Variants in COL20A1 observed in about 807,000 individuals in gnomAD.
COL20A1 encodes collagen type XX alpha 1 chain.
COL20A1 carries 164 observed loss-of-function variants against 152.9 expected under a neutral mutation model. The observed-to-expected ratio is 1.07, with a 90% CI of 0.94 to 1.22. The LOEUF is 1.22. Among genes scored for constraint, COL20A1 ranks in the 50% most tolerant of loss-of-function variants. The probability of loss-of-function intolerance (pLI) is 0.00; values close to 1 mark genes in which losing one functional copy is unlikely to be tolerated. For synonymous variants in COL20A1, 864 were observed against 756.0 expected (o/e 1.14, Z -2.34); for missense variants, 1,873 against 1,744.8 (o/e 1.07, Z -1.31).
In COL20A1 at chr20:63,309,475, T is replaced by G. The variant is rs1033823550; in HGVS notation, c.1083T>G (p.Gly361=). ...GTCTCATCTGCCAGAGGCTCCAGGG[T>G]GGGAGCCCGCGGCAGGGCCCAGGTG... is the stretch of plus-strand genomic sequence containing the variant. The part of the protein sequence containing the change: ...LSRLICQRLQ[G]GSPRQGPAAA... Residue 361 remains glycine, a synonymous_variant, in exon 9 of 36, where the codon GGT becomes GGG. Coordinates refer to ENST00000358894, the MANE Select transcript of COL20A1 (RefSeq NM_020882.4). The G allele has an allele frequency of 2.6e-5, 39 of 1,529,180 alleles. No homozygotes were observed. The highest frequency in any genetic ancestry group is 3.2e-5 in the Non-Finnish European group (36 of 1,135,228). The allele number at this position is 1,529,180 out of a possible 1,614,324, so 94.7% of individuals were successfully genotyped here.
intron 3 of COL20A1, among the ~76,000 whole-genome samples, chr20:63,299,167 T>TC (rs1191620151): frequency 1.3e-5 from 2 of 152,230 alleles, no homozygotes; most frequent in African/African-American, 2.4e-5. Flanking sequence ...GTGGCTTGTG[T>TC]CCAGGTTGGC....
chr20:63,301,736 GT>G (rs1260734645), intron 3 of COL20A1, among the ~76,000 whole-genome samples: 1 of 152,062 alleles, frequency 6.6e-6, no homozygotes, highest in Non-Finnish European at 1.5e-5. Flanking sequence ...ACCAGGTAGT[GT>G]TTGCATTAAA....
At chr20:63,325,784 C>T (rs1426856825) in intron 29 of COL20A1, 63 bp downstream of exon 29, 5 of 1,459,544 alleles carry the variant, frequency 3.4e-6, no homozygotes, top group Non-Finnish European at 4.8e-6. Flanking sequence ...GGACGGGGGG[C>T]CTTGGAGATG....
rs759177883 is a variant in COL20A1, at chr20:63,319,517, G to A, written c.2837G>A (p.Arg946His). Residue 946 changes from arginine (R) to histidine (H), a missense_variant, in exon 23 of 36, where the codon CGT (arginine) becomes CAT (histidine). By Grantham distance (29) the Arg-to-His change is conservative. Transcript: ENST00000358894. This position sits in a 1 kb window ranked among gnomAD's most constrained non-coding sequence, Gnocchi z 4.4. Reference sequence around the variant, plus strand: ...AAGAAGTCCCTGACCTACTTCCACCGTGACCCCAGGGCTGCCTTGCAGGAG... The same window carrying A: ...AAGAAGTCCCTGACCTACTTCCACCATGACCCCAGGGCTGCCTTGCAGGAG... Reference protein sequence around the residue: ...AGKKSLTYFHRDPRAALQEAT... With the variant: ...AGKKSLTYFHHDPRAALQEAT... 25 of 1,592,872 alleles carry A rather than the reference G, an allele frequency of 1.6e-5. No homozygotes were observed. Among genetic ancestry groups the A allele is most frequent in the Middle Eastern group, 1.6e-4 (1 of 6,062 alleles).
chr20:63,317,359 G>C (rs1033564726), intron 21 of COL20A1, among the ~76,000 whole-genome samples: 1 of 151,706 alleles, frequency 6.6e-6, no homozygotes, highest in African/African-American at 2.4e-5. Context: ...CCAGCTACTC[G>C]GGAGGCTGAG....
chr20:63,294,188 C>T (rs1485534417), intron 1 of COL20A1, among the ~76,000 whole-genome samples: 2 of 5,656 alleles, frequency 3.5e-4, no homozygotes, highest in Admixed American at 2.4e-3. Context: ...AGGGGGCGTG[C>T]AGGGGACTGG....
chr20:63,315,412 G>T lies in COL20A1; in HGVS notation c.2497G>T (p.Ala833Ser). ...VSATGQTACPALRPDGSLPGF... is the reference protein window; with the variant it reads ...VSATGQTACPSLRPDGSLPGF... ...CTGTCTCCTCTCAGCAGCCTGCCCA[G>T]CCCTCCGCCCTGACGGCTCCCTCCC... The change falls in exon 20 of 36, where the codon GCC becomes TCC. Residue 833 changes from alanine (A) to serine (S), a missense_variant. Coordinates refer to ENST00000358894, the MANE Select transcript of COL20A1 (RefSeq NM_020882.4). The T allele has an allele frequency of 6.3e-7, 1 of 1,577,630 alleles. No individual in the cohort carries two copies.
Position 63,305,529 on chromosome 20 carries a change from G to A in COL20A1, c.306G>A (p.Gly102=). Residue 102 remains glycine, a synonymous_variant, in exon 4 of 36, where the codon GGG becomes GGA. Coordinates refer to ENST00000358894, the MANE Select transcript of COL20A1 (RefSeq NM_020882.4). This position sits in a 1 kb window ranked among gnomAD's most constrained non-coding sequence, Gnocchi z 4.9. The part of the protein sequence containing the change: ...TLQIFELTGS[G]RFLLARREFV... Reference sequence around the variant, plus strand: ...AGATCTTCGAGCTCACTGGCTCTGGGCGCTTCCTGCTAGCTCGGAGGGAGT... The same window carrying A: ...AGATCTTCGAGCTCACTGGCTCTGGACGCTTCCTGCTAGCTCGGAGGGAGT... 6.2e-7 allele frequency: 1 copy of A among 1,605,718 alleles called. No homozygotes were observed. The highest frequency in any genetic ancestry group is 8.5e-7 in the Non-Finnish European group (1 of 1,176,824).
Position 63,308,573 on chromosome 20 carries a change from C to G in COL20A1, c.807C>G (p.Asn269Lys). The change falls in exon 8 of 36, where the codon AAC becomes AAG. Residue 269 changes from asparagine to lysine, a missense_variant. Asn to Lys is a moderately conservative substitution (Grantham distance 94). Coordinates refer to ENST00000358894, the MANE Select transcript of COL20A1 (RefSeq NM_020882.4). ...CCCTGACCCACGTGCTGGGGCAGAA[C>G]CTGCAGCCGGCGGCTGGCCTCCGTC... is the stretch of plus-strand genomic sequence containing the variant. The part of the protein sequence containing the change: ...GLALTHVLGQ[N>K]LQPAAGLRPE... 6.2e-7 allele frequency: 1 copy of G among 1,605,824 alleles called. No individual in the cohort carries two copies. Among genetic ancestry groups the G allele is most frequent in the Non-Finnish European group, 8.5e-7 (1 of 1,176,734 alleles).
chr20:63,316,469 T>A, intron 20 of COL20A1, 84 bp from the exon 21 acceptor site: 1 of 920,554 alleles, frequency 1.1e-6, no homozygotes, highest in Non-Finnish European at 1.5e-6. Flanking sequence ...TGGGTCCCTC[T>A]TGAGTCCCCG....
In COL20A1 at chr20:63,306,900, G is replaced by T. The variant is rs529555607; in HGVS notation, c.497-590G>T. Among the ~76,000 whole-genome samples, 1 of 152,206 alleles carries T rather than the reference G, an allele frequency of 6.6e-6. No homozygotes were observed. The highest frequency in any genetic ancestry group is 1.5e-5 in the Non-Finnish European group (1 of 67,968). Reference sequence around the variant, plus strand: ...CCCTCAGGGTGCTGGGCTCTGCTGGGTCCCCTGGACTTGGGCTCCCCCAGG... The same window carrying T: ...CCCTCAGGGTGCTGGGCTCTGCTGGTTCCCCTGGACTTGGGCTCCCCCAGG... On this transcript the variant is annotated intron_variant, in intron 5 of 35. Transcript: ENST00000358894. The surrounding 1 kb of genome is among the most constrained non-coding windows in gnomAD (Gnocchi z 6.9).
At position 63,313,123 on chromosome 20, in the gene COL20A1, G is replaced by C; in HGVS notation, c.2083G>C (p.Val695Leu). The part of the protein sequence containing the change: ...LGEGKAHEIS[V>L]PGNLGTAVLP... ...GGGGCTCTCCTCTCCCTAGATCTCT[G>C]TCCCAGGGAACCTCGGCACGGCCGT... Residue 695 changes from valine to leucine, a missense_variant, in exon 17 of 36, where the codon GTC becomes CTC. Physicochemically the swap from Val to Leu is conservative, Grantham distance 32. Transcript: ENST00000358894. The surrounding 1 kb of genome is among the most constrained non-coding windows in gnomAD (Gnocchi z 5.9). 6.2e-7 allele frequency: 1 copy of C among 1,608,472 alleles called. No homozygotes were observed. The highest frequency in any genetic ancestry group is 8.5e-7 in the Non-Finnish European group (1 of 1,178,024).
chr20:63,319,037 T>C lies in COL20A1; in HGVS notation c.2664-21T>C, dbSNP rs1337831609. ...GCCCTTGGGTCTGCTCATGTGCCTC[T>C]CCCTCCCCCAACCCCCACAGTGACG... On this transcript the variant is annotated intron_variant, in intron 21 of 35. Coordinates refer to ENST00000358894, the MANE Select transcript of COL20A1 (RefSeq NM_020882.4). This position sits in a 1 kb window ranked among gnomAD's most constrained non-coding sequence, Gnocchi z 4.4. 5 of 1,591,886 alleles carry C rather than the reference T, an allele frequency of 3.1e-6. No individual in the cohort carries two copies. Among genetic ancestry groups the C allele is most frequent in the East Asian group, 4.5e-5 (2 of 44,728 alleles).
chr20:63,320,533 G>A (rs767918915), intron 25 of COL20A1, among the ~76,000 whole-genome samples, 165 bp downstream of exon 25: 21 of 152,224 alleles, frequency 1.4e-4, no homozygotes, highest in Non-Finnish European at 2.4e-4. Context: ...GATGAGCCCA[G>A]AGGGGCTGGA....
At position 63,319,286 on chromosome 20, in the gene COL20A1, T is replaced by C. The variant is rs137864329; in HGVS notation, c.2806+86T>C. ...AGCCCTGGGAGGCCTTCAGAGGAAG[T>C]CCAGCCTCCAGGCCAGGCCCTCAGC... On this transcript the variant is annotated intron_variant, in intron 22 of 35. Coordinates refer to ENST00000358894, the MANE Select transcript of COL20A1 (RefSeq NM_020882.4). The surrounding 1 kb of genome is among the most constrained non-coding windows in gnomAD (Gnocchi z 4.4). 4.3e-4 allele frequency: 602 copies of C among 1,410,776 alleles called. 2 individuals carry two copies. In the African/African-American group the frequency reaches 7.2e-3, roughly 17 times the overall value. 87.4% of individuals were successfully genotyped at this position (1,410,776 alleles called of 1,614,324 possible). A position where few individuals can be genotyped will look rare whatever the true frequency, so the allele number is the denominator to read the frequency against.
chr20:63,327,193 C>T (rs989226550), intron 31 of COL20A1: 11 of 207,042 alleles, frequency 5.3e-5, no homozygotes, highest in South Asian at 3.1e-4. Context: ...TTCCTGTTGA[C>T]GGCCCGGGGA....
chr20:63,313,057 G>A lies in COL20A1; in HGVS notation c.2077-60G>A, dbSNP rs534627951. 4.7e-5 allele frequency: 73 copies of A among 1,564,674 alleles called. No homozygotes were observed. Among genetic ancestry groups the A allele is most frequent in the African/African-American group, 2.3e-4 (17 of 73,632 alleles). On this transcript the variant is annotated intron_variant, in intron 16 of 35. Coordinates refer to ENST00000358894, the MANE Select transcript of COL20A1 (RefSeq NM_020882.4). The surrounding 1 kb of genome is among the most constrained non-coding windows in gnomAD (Gnocchi z 5.9). ...GTCTCCCAGGGATGCCTCACTGCCC[G>A]GCCCCCCAACCTGAGGACCCCACTG...
chr20:63,321,940 G>C (rs1456994412), intron 26 of COL20A1, 118 bp from the exon 27 acceptor site: 19 of 738,888 alleles, frequency 2.6e-5, no homozygotes, highest in Non-Finnish European at 4.1e-5. Context: ...TGGACAGTCT[G>C]GGGCTGGGTG....
In COL20A1 at chr20:63,295,380, G is replaced by A. The variant is rs190407728; in HGVS notation, c.82+191G>A. On this transcript the variant is annotated intron_variant, in intron 2 of 35. Coordinates refer to ENST00000358894, the MANE Select transcript of COL20A1 (RefSeq NM_020882.4). Reference sequence around the variant, plus strand: ...GTGCTCCCGCCAAACCTTCAGCCTCGCCTTGGGAGCACATCTCTGTGGTTT... The same window carrying A: ...GTGCTCCCGCCAAACCTTCAGCCTCACCTTGGGAGCACATCTCTGTGGTTT... Among the ~76,000 whole-genome samples, 102 of 152,366 alleles carry A rather than the reference G, an allele frequency of 6.7e-4. No individual in the cohort carries two copies. In the East Asian group the frequency reaches 0.013, roughly 20 times the overall value.
Sources: allele counts gnomAD v4.1 joint callset (sites outside exome capture counted in the v4.1 genomes callset), GRCh38; gene constraint gnomAD v4.1.1; non-coding constraint Gnocchi (gnomAD v3.1); transcripts MANE v1.5; gene names NCBI Gene and HGNC (gene_info 2026-07-23, HGNC 2026-07-21).